DCX: variants seen among roughly 807,000 people sequenced by gnomAD.
DCX encodes the protein neuronal migration protein doublecortin.
In DCX, 4 loss-of-function variants were observed where a neutral mutation model predicts 20.9. The ratio of observed to expected loss-of-function variants is 0.19; its 90% CI spans 0.09 to 0.44. The LOEUF (loss-of-function observed/expected upper bound fraction) is 0.44, where lower values mean the gene tolerates loss of function less well. DCX is among the 20% of genes least tolerant of loss of function. The probability of loss-of-function intolerance (pLI) is 0.99; values close to 1 mark genes in which losing one functional copy is unlikely to be tolerated. For missense variants in DCX, 133 were observed against 296.9 expected, an observed-to-expected ratio of 0.45 and a Z score of 4.06; for synonymous variants, 103 against 111.4, an observed-to-expected ratio of 0.92 and a Z score of 0.47.
In DCX at chrX:111,340,324, C is replaced by A. The variant is rs777421507; in HGVS notation, c.706-7171G>T. ...TTCCTCACTGGGTGGGGATTCCCTG[C>A]AGGAACTTTATTAACTCTAGTCAGA... On this transcript the variant is annotated intron_variant, in intron 3 of 6. Coordinates refer to ENST00000636035, the MANE Select transcript of DCX (RefSeq NM_001195553.2). 2.4e-3 allele frequency among the ~76,000 whole-genome samples: 266 copies of A among 112,173 alleles called. 1 individual carries two copies. The highest frequency in any genetic ancestry group is 8.1e-3 in the African/African-American group (251 of 30,877).
intron 3 of DCX, among the ~76,000 whole-genome samples, chrX:111,354,852 C>A (rs1232692978): frequency 8.9e-6 from 1 of 112,476 alleles, no homozygotes; most frequent in African/African-American, 3.2e-5. Flanking sequence ...GGGCCAAAGG[C>A]CCCCTTCTCA....
At chrX:111,390,734 A>G (rs1027868865) in intron 3 of DCX, among the ~76,000 whole-genome samples, 1 of 111,067 alleles carries the variant, frequency 9.0e-6, no homozygotes, top group African/African-American at 3.3e-5. Flanking sequence ...CATAGTGGCT[A>G]ACACCTGTAA....
intron 3 of DCX, among the ~76,000 whole-genome samples, chrX:111,376,881 C>G (rs1925576157): frequency 8.9e-6 from 1 of 112,022 alleles, no homozygotes; most frequent in African/African-American, 3.2e-5. Context: ...TTAGGGTTGC[C>G]AGATTTACCA....
At chrX:111,381,220 A>G (rs1409524868) in intron 3 of DCX, among the ~76,000 whole-genome samples, 4 of 109,483 alleles carry the variant, frequency 3.7e-5, no homozygotes, top group African/African-American at 1.0e-4. Flanking sequence ...TTGTGTTTTC[A>G]GTATATATTT....
chrX:111,340,625 A>G (rs1394807845), intron 3 of DCX, among the ~76,000 whole-genome samples: 1 of 111,528 alleles, frequency 9.0e-6, no homozygotes, highest in East Asian at 2.8e-4. Context: ...TCCTACTGGC[A>G]TCAGGTTTGT....
chrX:111,310,639 T>C (rs1372106872), intron 6 of DCX, among the ~76,000 whole-genome samples: 1 of 112,151 alleles, frequency 8.9e-6, no homozygotes, highest in African/African-American at 3.2e-5. Context: ...TAGAAAATGA[T>C]ATAATGTATT....
intron 6 of DCX, among the ~76,000 whole-genome samples, chrX:111,307,153 A>G (rs746474211): frequency 9.0e-6 from 1 of 110,742 alleles, no homozygotes; most frequent in African/African-American, 3.3e-5. Context: ...TATGTGAATT[A>G]TATCTCAATA....
chrX:111,402,439 T>C (rs930697395), intron 2 of DCX, among the ~76,000 whole-genome samples: 1 of 111,366 alleles, frequency 9.0e-6, no homozygotes, highest in Admixed American at 9.6e-5. Context: ...ATCTAGAAGT[T>C]CATTGAGAGG....
chrX:111,384,346 G>C (rs140201774), intron 3 of DCX, among the ~76,000 whole-genome samples: 1 of 110,836 alleles, frequency 9.0e-6, no homozygotes, highest in South Asian at 3.9e-4. Flanking sequence ...CCATTCATTC[G>C]TTCATTCAAT....
At chrX:111,365,312 T>G (rs1445715545) in intron 3 of DCX, among the ~76,000 whole-genome samples, 2 of 109,562 alleles carry the variant, frequency 1.8e-5, no homozygotes, top group Non-Finnish European at 3.8e-5. Context: ...ATATTAAAAT[T>G]TTGTGTGTGT....
intron 3 of DCX, among the ~76,000 whole-genome samples, chrX:111,373,100 T>A (rs1925238654): frequency 9.3e-6 from 1 of 107,757 alleles, no homozygotes; most frequent in African/African-American, 3.6e-5. Flanking sequence ...GAAATGAAGT[T>A]TTCTGTTAGG....
intron 3 of DCX, among the ~76,000 whole-genome samples, chrX:111,335,440 G>C (rs756327120): frequency 7.9e-4 from 89 of 112,029 alleles, no homozygotes; most frequent in Non-Finnish European, 1.4e-3. Context: ...GAATATTCAG[G>C]GGCTTTGTAA....
intron 1 of DCX, chrX:111,410,966 T>A: frequency 8.3e-7 from 1 of 1,203,093 alleles, no homozygotes; most frequent in Non-Finnish European, 1.1e-6. Context: ...GAAGGGGGAG[T>A]GTTTTCATTT....
intron 3 of DCX, among the ~76,000 whole-genome samples, chrX:111,365,937 CTAAG>C (rs1924593698): frequency 9.0e-6 from 1 of 111,611 alleles, no homozygotes; most frequent in African/African-American, 3.3e-5. Context: ...TTGTAGAATG[CTAAG>C]TAGCATCCCG....
At chrX:111,340,009 G>A (rs1922081650) in intron 3 of DCX, among the ~76,000 whole-genome samples, 1 of 112,708 alleles carries the variant, frequency 8.9e-6, no homozygotes, top group Non-Finnish European at 1.9e-5. Context: ...CCTATTCTGT[G>A]TTGCATAAAG....
Position 111,296,195 on chromosome X carries a change from A to C in DCX, c.*5492T>G, listed in dbSNP as rs1403032888. On this transcript the variant is annotated 3_prime_UTR_variant, in exon 7 of 7. Coordinates refer to ENST00000636035, the MANE Select transcript of DCX (RefSeq NM_001195553.2). ...AGTCAAAGAGATACACAAGAGGTAG[A>C]GCGGCAAAAAGCCATTGATTCCCTC... 1.8e-5 allele frequency: 2 copies of C among 112,027 alleles called. No individual in the cohort carries two copies. The highest frequency in any genetic ancestry group is 3.8e-5 in the Non-Finnish European group (2 of 53,278). 9.2% of individuals were successfully genotyped at this position (112,027 alleles called of 1,213,427 possible).
At chrX:111,332,756 T>G (rs181176128) in intron 4 of DCX, among the ~76,000 whole-genome samples, 6 of 112,174 alleles carry the variant, frequency 5.3e-5, no homozygotes, top group African/African-American at 1.9e-4. Flanking sequence ...TCCTGTGGTC[T>G]GATTGTGCCT....
intron 5 of DCX, among the ~76,000 whole-genome samples, chrX:111,325,490 T>A (rs999518854): frequency 3.6e-5 from 4 of 112,173 alleles, no homozygotes; most frequent in African/African-American, 1.3e-4. Context: ...ATTTCCAACT[T>A]AATTCATAGT....
At position 111,311,535 on chromosome X, in the gene DCX, G is replaced by A. The variant is rs751372221; in HGVS notation, c.1044+1104C>T. Among the ~76,000 whole-genome samples the A allele has an allele frequency of 2.1e-3, 231 of 111,739 alleles. 1 individual carries two copies. The highest frequency in any genetic ancestry group is 6.8e-3 in the African/African-American group (210 of 30,765). ...CCATGGCCAAATTCAAGTTAAAAAC[G>A]TGATGTCACTCAATACAGAGTTGAG... On this transcript the variant is annotated intron_variant, in intron 6 of 6. Coordinates refer to ENST00000636035, the MANE Select transcript of DCX (RefSeq NM_001195553.2).
Sources: gnomAD v4.1 joint callset for allele counts (sites outside exome capture counted in the v4.1 genomes callset) on GRCh38, gnomAD v4.1.1 for gene constraint, MANE v1.5 for transcripts, NCBI Gene and HGNC (gene_info 2026-07-23, HGNC 2026-07-21) for gene names.